ANO4: variants seen among roughly 807,000 people sequenced by gnomAD.
The protein encoded by ANO4 is anoctamin 4, also known as anoctamin-4.
A neutral mutation model predicts 141.9 loss-of-function variants in ANO4; 69 were observed. The observed-to-expected ratio is 0.49, with a 90% CI of 0.40 to 0.59. The LOEUF is 0.59. Ranked by LOEUF, ANO4 falls within the 20% of genes least tolerant of loss-of-function variation. ANO4 has a pLI of 0.00. For missense variants in ANO4, 894 were observed against 1,162.2 expected, an observed-to-expected ratio of 0.77 and a Z score of 3.36; for synonymous variants, 350 against 394.3, an observed-to-expected ratio of 0.89 and a Z score of 1.33.
intron 3 of ANO4, among the ~76,000 whole-genome samples, chr12:100,755,288 T>C (rs1212512288): frequency 6.6e-6 from 1 of 152,170 alleles, no homozygotes; most frequent in Non-Finnish European, 1.5e-5. Context: ...TTCCCTTCTT[T>C]CTTGCTTGGT....
chr12:100,856,239 T>C (rs1354947440), intron 1 of ANO4, among the ~76,000 whole-genome samples: 3 of 152,184 alleles, frequency 2.0e-5, no homozygotes, highest in Admixed American at 2.0e-4. Flanking sequence ...TAATTGCAAA[T>C]GCTGGTTTGA....
chr12:100,989,929 A>T (rs550834076), intron 8 of ANO4, among the ~76,000 whole-genome samples: 1 of 142,998 alleles, frequency 7.0e-6, no homozygotes, highest in South Asian at 2.3e-4. Context: ...GTGTACCTGG[A>T]TAGGTCACTG....
At chr12:100,793,793 A>T (rs1229359764), upstream of ANO4, among the ~76,000 whole-genome samples, 1 of 152,196 alleles carries the variant, frequency 6.6e-6, no homozygotes, top group East Asian at 1.9e-4. Context: ...CCAAATACAA[A>T]TTAATTAATA....
At chr12:101,010,649 CATAAT>C (rs1245400895) in intron 8 of ANO4, among the ~76,000 whole-genome samples, 2 of 152,082 alleles carry the variant, frequency 1.3e-5, no homozygotes, top group East Asian at 3.9e-4. Context: ...AATTTGAGGA[CATAAT>C]ATAAGTGACA....
chr12:100,996,348 C>T (rs1566105206), intron 8 of ANO4, among the ~76,000 whole-genome samples: 1 of 152,132 alleles, frequency 6.6e-6, no homozygotes, highest in Non-Finnish European at 1.5e-5. Flanking sequence ...AAAGCGCTAA[C>T]AATGGAAATG....
At chr12:101,023,156 G>C (rs573308457) in intron 9 of ANO4, among the ~76,000 whole-genome samples, 3 of 152,264 alleles carry the variant, frequency 2.0e-5, no homozygotes, top group Admixed American at 1.3e-4. Flanking sequence ...GTTCAATAAA[G>C]GCGTGCTGAA....
chr12:100,880,934 C>A (rs1424596292), intron 1 of ANO4, among the ~76,000 whole-genome samples: 7 of 152,094 alleles, frequency 4.6e-5, no homozygotes, highest in African/African-American at 1.7e-4. Context: ...TAAAAGGGGC[C>A]AGATTTTGTG....
intron 1 of ANO4, among the ~76,000 whole-genome samples, chr12:100,880,811 A>G (rs1433452535): frequency 2.0e-5 from 3 of 152,162 alleles, no homozygotes; most frequent in Admixed American, 6.6e-5. Context: ...TCTTTGCGCT[A>G]TGAGAGTATT....
chr12:101,094,375 G>A, intron 18 of ANO4, 83 bp downstream of exon 18: 3 of 1,114,914 alleles, frequency 2.7e-6, no homozygotes, highest in South Asian at 3.5e-5. Context: ...TAATACTGCT[G>A]GAAAGAAATA....
At chr12:100,914,062 G>C (rs2041230784) in intron 2 of ANO4, among the ~76,000 whole-genome samples, 1 of 152,172 alleles carries the variant, frequency 6.6e-6, no homozygotes, top group Non-Finnish European at 1.5e-5. Flanking sequence ...GCATCTAGGA[G>C]ATTGGAAGAC....
intron 5 of ANO4, among the ~76,000 whole-genome samples, chr12:100,961,412 T>G (rs917666749): frequency 6.6e-6 from 1 of 152,214 alleles, no homozygotes; most frequent in Admixed American, 6.5e-5. Flanking sequence ...AGAAGTGTTA[T>G]GTATCCTTAT....
chr12:100,843,915 A>G (rs2037413469), intron 1 of ANO4, among the ~76,000 whole-genome samples: 1 of 152,202 alleles, frequency 6.6e-6, no homozygotes, highest in Non-Finnish European at 1.5e-5. Flanking sequence ...AAGCTGAGCT[A>G]AAAATAAACT....
At chr12:101,075,438 G>A (rs1288787284) in intron 14 of ANO4, among the ~76,000 whole-genome samples, 3 of 151,008 alleles carry the variant, frequency 2.0e-5, no homozygotes, top group African/African-American at 7.3e-5. Context: ...AATCTAAGGA[G>A]TTCAAAATGC....
At chr12:100,838,105 T>A (rs969949537) in intron 1 of ANO4, among the ~76,000 whole-genome samples, 4 of 151,504 alleles carry the variant, frequency 2.6e-5, no homozygotes, top group African/African-American at 9.7e-5. Context: ...AAGATGCACA[T>A]GGCTGAGGCT....
chr12:100,951,131 A>T (rs756567375), intron 5 of ANO4, among the ~76,000 whole-genome samples: 16 of 152,212 alleles, frequency 1.1e-4, no homozygotes, highest in Non-Finnish European at 1.9e-4. Context: ...CCACAATGAG[A>T]TACCATCTCA....
intron 1 of ANO4, among the ~76,000 whole-genome samples, chr12:100,899,366 C>T (rs2040486679): frequency 6.6e-6 from 1 of 152,148 alleles, no homozygotes; most frequent in African/African-American, 2.4e-5. Flanking sequence ...GGAACACTAG[C>T]GTGAAAACTC....
intron 25 of ANO4, among the ~76,000 whole-genome samples, chr12:101,118,841 A>G (rs1347090400): frequency 1.3e-5 from 2 of 150,990 alleles, no homozygotes; most frequent in African/African-American, 4.9e-5. Flanking sequence ...TACATTAGGT[A>G]TATCTCCTAA....
intron 1 of ANO4, among the ~76,000 whole-genome samples, chr12:100,830,922 C>T (rs551466706): frequency 6.6e-6 from 1 of 151,920 alleles, no homozygotes. Flanking sequence ...ACCATAAGCT[C>T]TTATAAATAT....
intron 7 of ANO4, among the ~76,000 whole-genome samples, chr12:100,976,004 T>C (rs896499475): frequency 6.6e-6 from 1 of 151,204 alleles, no homozygotes; most frequent in African/African-American, 2.4e-5. Flanking sequence ...CTCCGAAAGC[T>C]TGTTTTTCCT....
Sources: gnomAD v4.1 joint callset for allele counts (sites outside exome capture counted in the v4.1 genomes callset) on GRCh38, gnomAD v4.1.1 for gene constraint, MANE v1.5 for transcripts, NCBI Gene and HGNC (gene_info 2026-07-23, HGNC 2026-07-21) for gene names.